Variants in PMS1 observed in about 807,000 individuals in gnomAD.
The protein encoded by PMS1 is PMS1 homolog 1, mismatch repair system component.
PMS1 carries 79 observed loss-of-function variants against 93.1 expected under a neutral mutation model. That is an observed-to-expected ratio of 0.85 (90% CI 0.71 to 1.02). The LOEUF (loss-of-function observed/expected upper bound fraction) is 1.02. Among genes scored for constraint, PMS1 ranks in the 50% least tolerant of loss-of-function variants. The probability of loss-of-function intolerance (pLI) is 0.00; values close to 1 mark genes in which losing one functional copy is unlikely to be tolerated. For missense variants in PMS1, 1,064 were observed against 1,085.3 expected, an observed-to-expected ratio of 0.98 and a Z score of 0.28; for synonymous variants, 335 against 363.4, an observed-to-expected ratio of 0.92 and a Z score of 0.89.
intron 4 of PMS1, 139 bp from the exon 5 acceptor site, chr2:189,817,878 A>G: frequency 1.5e-6 from 1 of 681,906 alleles, no homozygotes; most frequent in Non-Finnish European, 2.7e-6. Flanking sequence ...GTAGTTTGCA[A>G]AGTTGAGCCT....
intron 11 of PMS1, among the ~76,000 whole-genome samples, chr2:189,872,652 A>T (rs186092556): frequency 1.2e-4 from 19 of 152,116 alleles, no homozygotes; most frequent in Admixed American, 1.2e-3. Flanking sequence ...TTATTTTTTG[A>T]GATGGAGTCT....
chr2:189,818,163 G>A lies in PMS1; in HGVS notation c.565G>A (p.Val189Ile). 1 of 1,595,882 alleles carries A rather than the reference G, an allele frequency of 6.3e-7. No homozygotes were observed. The highest frequency in any genetic ancestry group is 1.1e-5 in the South Asian group (1 of 90,522). ...FGILKPDLRI[V>I]FVHNKAVIWQ... is the part of the protein sequence containing the mutation. ...TATCCTTAAACCTGACTTAAGGATT[G>A]TCTTTGTACATAACAAGGTAAACAT... Residue 189 changes from valine to isoleucine, a missense_variant, in exon 5 of 13, where the codon GTC becomes ATC. Physicochemically the swap from Val to Ile is conservative, Grantham distance 29. Coordinates refer to ENST00000441310, the MANE Select transcript of PMS1 (RefSeq NM_000534.5).
intron 10 of PMS1, among the ~76,000 whole-genome samples, chr2:189,865,544 C>T: frequency 6.6e-6 from 1 of 152,120 alleles, no homozygotes; most frequent in Non-Finnish European, 1.5e-5. Context: ...ATCAACCTTT[C>T]CATGCAATGG....
Position 189,805,762 on chromosome 2 carries a change from A to T in PMS1, c.418+8A>T. The T allele has an allele frequency of 1.9e-6, 3 of 1,613,798 alleles. No individual in the cohort carries two copies. The highest frequency in any genetic ancestry group is 2.5e-6 in the Non-Finnish European group (3 of 1,179,874). On this transcript the variant is annotated splice_region_variant and intron_variant, in intron 4 of 12. Coordinates refer to ENST00000441310, the MANE Select transcript of PMS1 (RefSeq NM_000534.5). ...CTTCACATCTTGGTCAAGGTAAGAA[A>T]GTAGCTTTGTATACAAACATTCTTT...
intron 9 of PMS1, chr2:189,857,356 T>C: frequency 2.8e-6 from 1 of 358,908 alleles, no homozygotes; most frequent in Non-Finnish European, 5.8e-6. Flanking sequence ...GAGCCAGGGT[T>C]CCTGGGACCA....
chr2:189,834,920 G>T (rs933190478), intron 5 of PMS1, among the ~76,000 whole-genome samples: 1 of 152,140 alleles, frequency 6.6e-6, no homozygotes, highest in African/African-American at 2.4e-5. Flanking sequence ...TGTAGAGACA[G>T]GGTCTCACTG....
chr2:189,841,010 T>A (rs5743098), intron 5 of PMS1, among the ~76,000 whole-genome samples: 1,592 of 152,322 alleles, frequency 0.01, 20 homozygotes, highest in Non-Finnish European at 0.017. Context: ...CCCTTTACTT[T>A]TTGAGAATTC....
chr2:189,806,748 A>T (rs2050383193), intron 4 of PMS1: 2 of 198,424 alleles, frequency 1.0e-5, no homozygotes, highest in Non-Finnish European at 2.1e-5. Context: ...GGTAAAAAAG[A>T]TCTCTTTAGG....
intron 4 of PMS1, among the ~76,000 whole-genome samples, chr2:189,815,564 G>T (rs1012654228): frequency 2.6e-5 from 4 of 152,146 alleles, no homozygotes; most frequent in Non-Finnish European, 4.4e-5. Flanking sequence ...TGTGAAGAAG[G>T]TGCCTGCTTC....
Position 189,805,732 on chromosome 2 carries a change from GA to G in PMS1, c.399del (p.Lys133AsnfsTer11). 6 of 1,613,662 alleles carry G rather than the reference GA, an allele frequency of 3.7e-6. No individual in the cohort carries two copies. The highest frequency in any genetic ancestry group is 5.1e-6 in the Non-Finnish European group (6 of 1,179,856). On this transcript the variant is annotated frameshift_variant, in exon 4 of 13. Transcript: ENST00000441310. LOFTEE classifies it high-confidence loss of function. ...LDGSGHILSQKPSHLGQGTTV... is the reference protein window; with the variant it reads ...LDGSGHILSQXPSHLGQGTTV... ...ATGGCAGTGGCCACATACTTTCTCAGAAACCTTCACATCTTGGTCAAGGTAA... is the reference window on the plus strand; with the variant it reads ...ATGGCAGTGGCCACATACTTTCTCAGAACCTTCACATCTTGGTCAAGGTAA...
Position 189,864,115 on chromosome 2 carries a change from G to A in PMS1, c.2229G>A (p.Glu743=). The change falls in exon 10 of 13, where the codon GAG becomes GAA. Residue 743 remains glutamate (E), a synonymous_variant. Coordinates refer to ENST00000441310, the MANE Select transcript of PMS1 (RefSeq NM_000534.5). ...PDAWLMTSKT[E]VMLLNPYRVE... ...CATGGCTAATGACATCCAAAACAGA[G>A]GTAATGTTATTAAATCCATATAGAG... 1.2e-6 allele frequency: 2 copies of A among 1,613,136 alleles called. No individual in the cohort carries two copies. Among genetic ancestry groups the A allele is most frequent in the Non-Finnish European group, 1.7e-6 (2 of 1,179,460 alleles).
intron 6 of PMS1, among the ~76,000 whole-genome samples, chr2:189,846,410 G>A (rs2054258135): frequency 6.6e-6 from 1 of 152,094 alleles, no homozygotes; most frequent in Admixed American, 6.5e-5. Flanking sequence ...TACTTGGGAG[G>A]CTGAGGCAGG....
chr2:189,840,602 A>G (rs5743097), intron 5 of PMS1, among the ~76,000 whole-genome samples: 1 of 152,222 alleles, frequency 6.6e-6, no homozygotes, highest in African/African-American at 2.4e-5. Flanking sequence ...TACCTGAATT[A>G]TTTTTTAGCT....
In PMS1 at chr2:189,863,883, A is replaced by T; in HGVS notation, c.1997A>T (p.His666Leu). 1.2e-6 allele frequency: 2 copies of T among 1,614,132 alleles called. No individual in the cohort carries two copies. The highest frequency in any genetic ancestry group is 1.7e-6 in the Non-Finnish European group (2 of 1,179,988). ...AGCGCATGGAATTTGGCCCAGAAGC[A>T]CAAGTTAAAAACCTCATTATCTAAT... ...PTSAWNLAQK[H>L]KLKTSLSNQP... Residue 666 changes from histidine (H) to leucine (L), a missense_variant, in exon 10 of 13, where the codon CAC (histidine) becomes CTC (leucine). Physicochemically the swap from His to Leu is moderately conservative, Grantham distance 99. Coordinates refer to ENST00000441310, the MANE Select transcript of PMS1 (RefSeq NM_000534.5).
At chr2:189,864,732 AT>A (rs2056486542) in intron 10 of PMS1, among the ~76,000 whole-genome samples, 1 of 90,406 alleles carries the variant, frequency 1.1e-5, no homozygotes, top group Non-Finnish European at 2.1e-5. Context: ...ATATATATAT[AT>A]ATGATTTCTA....
Position 189,809,208 on chromosome 2 carries a change from A to T in PMS1, c.418+3454A>T, listed in dbSNP as rs187586520. Among the ~76,000 whole-genome samples, 101 of 152,292 alleles carry T rather than the reference A, an allele frequency of 6.6e-4. 1 individual carries two copies. In the East Asian group the frequency reaches 0.016, roughly 24 times the overall value. On this transcript the variant is annotated intron_variant, in intron 4 of 12. Coordinates refer to ENST00000441310, the MANE Select transcript of PMS1 (RefSeq NM_000534.5). Reference sequence around the variant, plus strand: ...TTTAAGAAAACTTTCTGATATATTCAAGCAACCATACCTTTACATTAGGAA... The same window carrying T: ...TTTAAGAAAACTTTCTGATATATTCTAGCAACCATACCTTTACATTAGGAA...
Position 189,791,798 on chromosome 2 carries a change from T to G in PMS1, c.-12T>G. 1 of 1,613,386 alleles carries G rather than the reference T, an allele frequency of 6.2e-7. No homozygotes were observed. Among genetic ancestry groups the G allele is most frequent in the South Asian group, 1.1e-5 (1 of 91,078 alleles). On this transcript the variant is annotated 5_prime_UTR_variant, in exon 2 of 13. Coordinates refer to ENST00000441310, the MANE Select transcript of PMS1 (RefSeq NM_000534.5). ...GCATTTTTATCTTCTAGCTGCTCTG[T>G]TAAAAGCGAAAATGAAACAATTGCC...
intron 1 of PMS1, among the ~76,000 whole-genome samples, chr2:189,787,864 T>C (rs2048502968): frequency 6.6e-6 from 1 of 152,116 alleles, no homozygotes; most frequent in Admixed American, 6.6e-5. Flanking sequence ...GACACAAATA[T>C]TCAGACTGTA....
At chr2:189,873,355 C>G in intron 11 of PMS1, 141 bp from the exon 12 acceptor site, 3 of 613,462 alleles carry the variant, frequency 4.9e-6, no homozygotes, top group Non-Finnish European at 5.9e-6. Flanking sequence ...TATTTGTTCT[C>G]CAACTAAGGA....
Sources: gnomAD v4.1 joint callset for allele counts (sites outside exome capture counted in the v4.1 genomes callset) on GRCh38, gnomAD v4.1.1 for gene constraint, MANE v1.5 for transcripts, NCBI Gene and HGNC (gene_info 2026-07-23, HGNC 2026-07-21) for gene names.